EPHB1: variants seen among roughly 807,000 people sequenced by gnomAD.
EPHB1 encodes ephrin type-B receptor 1.
EPHB1 carries 30 observed loss-of-function variants against 94.4 expected under a neutral mutation model. The ratio of observed to expected loss-of-function variants is 0.32; its 90% CI spans 0.24 to 0.43. EPHB1 has a LOEUF of 0.43. Ranked by LOEUF, EPHB1 falls within the 20% of genes least tolerant of loss-of-function variation. The pLI is 1.00. For synonymous variants in EPHB1, 522 were observed against 489.1 expected (o/e 1.07, Z -0.89); for missense variants, 1,055 against 1,308.3 (o/e 0.81, Z 2.99).
At chr3:134,993,949 A>C (rs1409310818) in intron 3 of EPHB1, among the ~76,000 whole-genome samples, 1 of 152,194 alleles carries the variant, frequency 6.6e-6, no homozygotes, top group Non-Finnish European at 1.5e-5. Context: ...CTTGAAGGCC[A>C]TTCTTCCCCA....
At chr3:135,137,712 G>A (rs1031392438) in intron 5 of EPHB1, among the ~76,000 whole-genome samples, 2 of 152,172 alleles carry the variant, frequency 1.3e-5, no homozygotes, top group African/African-American at 2.4e-5. Context: ...GCAAATGAGA[G>A]AGCAGATAGA....
chr3:135,001,172 A>AGT (rs1470561674), intron 3 of EPHB1, among the ~76,000 whole-genome samples: 1 of 152,148 alleles, frequency 6.6e-6, no homozygotes, highest in African/African-American at 2.4e-5. Flanking sequence ...TGTCTCCAGC[A>AGT]GTGTGAAGCA....
chr3:135,053,136 G>A (rs1937242217), intron 3 of EPHB1, among the ~76,000 whole-genome samples: 1 of 141,944 alleles, frequency 7.0e-6, no homozygotes, highest in African/African-American at 2.6e-5. Context: ...TATGTTAGAT[G>A]TTTAGATTTT....
At chr3:135,258,929 A>G in intron 15 of EPHB1, 83 bp from the exon 16 acceptor site, 1 of 1,196,942 alleles carries the variant, frequency 8.4e-7, no homozygotes, top group Non-Finnish European at 1.2e-6. Context: ...ACTTCCCAAG[A>G]ACATGGCTTT....
intron 1 of EPHB1, among the ~76,000 whole-genome samples, chr3:134,870,064 T>G (rs1297191706): frequency 1.3e-5 from 2 of 152,062 alleles, no homozygotes; most frequent in Non-Finnish European, 2.9e-5. Context: ...CAGGTAAGGA[T>G]ATTTAAGAGA....
At chr3:135,015,726 G>A (rs944504510) in intron 3 of EPHB1, among the ~76,000 whole-genome samples, 2 of 152,172 alleles carry the variant, frequency 1.3e-5, no homozygotes, top group African/African-American at 2.4e-5. Flanking sequence ...CTTGAAAATG[G>A]CCTGGGGGAG....
chr3:135,222,607 C>T (rs1453452361), intron 12 of EPHB1, among the ~76,000 whole-genome samples: 1 of 152,160 alleles, frequency 6.6e-6, no homozygotes, highest in Non-Finnish European at 1.5e-5. Context: ...GTGTTTTTCA[C>T]TCTGTTTTCT....
At chr3:135,248,091 G>GACAT (rs1331801265) in intron 13 of EPHB1, among the ~76,000 whole-genome samples, 1 of 152,204 alleles carries the variant, frequency 6.6e-6, no homozygotes, top group South Asian at 2.1e-4. Flanking sequence ...AGGAGCTGGG[G>GACAT]ACATAAAGAA....
chr3:135,243,087 AAAAAAAAG>A (rs1396006691), intron 13 of EPHB1, among the ~76,000 whole-genome samples: 106 of 148,258 alleles, frequency 7.1e-4, no homozygotes, highest in African/African-American at 1.1e-3. Flanking sequence ...AAAAAAAAAA[AAAAAAAAG>A]AAAAGAAAAG....
intron 1 of EPHB1, among the ~76,000 whole-genome samples, chr3:134,891,175 G>A (rs1010936327): frequency 2.0e-5 from 3 of 152,090 alleles, no homozygotes; most frequent in Non-Finnish European, 4.4e-5. Flanking sequence ...ACATGATCTT[G>A]GCCTACTGCA....
intron 5 of EPHB1, among the ~76,000 whole-genome samples, chr3:135,152,128 A>T (rs745548355): frequency 6.6e-6 from 1 of 152,230 alleles, no homozygotes; most frequent in Non-Finnish European, 1.5e-5. Flanking sequence ...CTTGGGTGGC[A>T]TGTAATGGTC....
At chr3:134,863,566 G>A (rs2037311343) in intron 1 of EPHB1, among the ~76,000 whole-genome samples, 1 of 152,238 alleles carries the variant, frequency 6.6e-6, no homozygotes, top group South Asian at 2.1e-4. Context: ...CTGGTGCTAA[G>A]TTTTTAAAGA....
chr3:135,093,504 G>A (rs1033765428), intron 3 of EPHB1, among the ~76,000 whole-genome samples: 3 of 152,156 alleles, frequency 2.0e-5, no homozygotes, highest in Admixed American at 1.3e-4. Flanking sequence ...GATCACTTGA[G>A]GTCAGGAGTT....
At chr3:134,820,099 C>T (rs533318646) in intron 1 of EPHB1, among the ~76,000 whole-genome samples, 2 of 149,984 alleles carry the variant, frequency 1.3e-5, no homozygotes, top group South Asian at 4.4e-4. Context: ...TACTAGTAGA[C>T]CCTGTTGATA....
At chr3:134,980,630 C>T (rs1934367253) in intron 3 of EPHB1, among the ~76,000 whole-genome samples, 1 of 152,128 alleles carries the variant, frequency 6.6e-6, no homozygotes, top group Non-Finnish European at 1.5e-5. Context: ...TAGATTTCTC[C>T]ATCCACATGA....
intron 1 of EPHB1, among the ~76,000 whole-genome samples, chr3:134,847,209 G>A (rs1324018952): frequency 1.3e-5 from 2 of 152,092 alleles, no homozygotes; most frequent in Non-Finnish European, 2.9e-5. Flanking sequence ...CTGTTCATAG[G>A]AGCCCAGGAC....
rs542531736 is a variant in EPHB1, at chr3:135,259,540, G to A, written c.*420G>A. On this transcript the variant is annotated 3_prime_UTR_variant, in exon 16 of 16. Coordinates refer to ENST00000398015, the MANE Select transcript of EPHB1 (RefSeq NM_004441.5). ...TGACATTCTTTTCTTTTCTCCTTTC[G>A]TACTCCTCCCTGAGAGTCCCCTCCC... 16 of 201,716 alleles carry A rather than the reference G, an allele frequency of 7.9e-5. No individual in the cohort carries two copies. The South Asian group carries it at 2.1e-3, about 26-fold the overall frequency. The allele number at this position is 201,716 out of a possible 1,614,324, so 12.5% of individuals were successfully genotyped here.
chr3:135,205,649 A>G (rs994853647), intron 12 of EPHB1, among the ~76,000 whole-genome samples: 2 of 152,222 alleles, frequency 1.3e-5, no homozygotes, highest in Admixed American at 6.5e-5. Flanking sequence ...AGAACTTGAT[A>G]GAATTTGGCA....
intron 1 of EPHB1, among the ~76,000 whole-genome samples, chr3:134,822,720 A>G (rs994398281): frequency 3.3e-5 from 5 of 152,220 alleles, no homozygotes; most frequent in Admixed American, 2.6e-4. Context: ...GTTACATTAG[A>G]GACCCTTCTA....
Sources: allele counts gnomAD v4.1 joint callset (sites outside exome capture counted in the v4.1 genomes callset), GRCh38; gene constraint gnomAD v4.1.1; transcripts MANE v1.5; gene names NCBI Gene and HGNC (gene_info 2026-07-23, HGNC 2026-07-21).